Variants in LTBP1 observed in about 807,000 individuals in gnomAD.
LTBP1 encodes the protein latent transforming growth factor beta binding protein 1.
Under a neutral mutation model 207.6 loss-of-function variants are expected in LTBP1, and 129 were observed. That is an observed-to-expected ratio of 0.62 (90% CI 0.54 to 0.72). The LOEUF (loss-of-function observed/expected upper bound fraction) is 0.72. Ranked by LOEUF, LTBP1 falls within the 30% of genes least tolerant of loss-of-function variation. The probability of loss-of-function intolerance (pLI) is 0.00; values close to 1 mark genes in which losing one functional copy is unlikely to be tolerated. For synonymous variants in LTBP1, 963 were observed against 833.7 expected (o/e 1.16, Z -2.67); for missense variants, 2,281 against 2,217.2 (o/e 1.03, Z -0.58).
intron 5 of LTBP1, among the ~76,000 whole-genome samples, chr2:33,169,227 C>G (rs1206871311): frequency 6.6e-6 from 1 of 152,124 alleles, no homozygotes; most frequent in Non-Finnish European, 1.5e-5. Flanking sequence ...TGTGTGAGTC[C>G]TAGAAGGTCT....
chr2:33,154,600 G>A (rs1475174034), intron 5 of LTBP1, among the ~76,000 whole-genome samples: 1 of 152,112 alleles, frequency 6.6e-6, no homozygotes, highest in African/African-American at 2.4e-5. Context: ...TGAATTGTTG[G>A]GCAGTTGACC....
intron 24 of LTBP1, among the ~76,000 whole-genome samples, chr2:33,338,557 C>T (rs983985199): frequency 6.6e-6 from 1 of 151,780 alleles, no homozygotes; most frequent in African/African-American, 2.4e-5. Context: ...CCTCGATAAG[C>T]ACAGCAGTGG....
At chr2:33,122,280 C>G (rs2081178301) in intron 4 of LTBP1, among the ~76,000 whole-genome samples, 1 of 152,160 alleles carries the variant, frequency 6.6e-6, no homozygotes, top group Non-Finnish European at 1.5e-5. Context: ...GTTGTTTTTC[C>G]TAGATTACCA....
In LTBP1 at chr2:33,198,357, C is replaced by T. The variant is rs544525530; in HGVS notation, c.1701+9506C>T. 3.3e-5 allele frequency among the ~76,000 whole-genome samples: 5 copies of T among 152,222 alleles called. No homozygotes were observed. In the South Asian group the frequency reaches 6.2e-4, roughly 19 times the overall value. On this transcript the variant is annotated intron_variant, in intron 7 of 33. Coordinates refer to ENST00000404816, the MANE Select transcript of LTBP1 (RefSeq NM_206943.4). ...TCATCAAGGATATTGGTCTAAAATT[C>T]TCTTTTTTGGTTGTGTCTCTGCCTG...
chr2:33,198,710 T>C (rs1200870476), intron 7 of LTBP1, among the ~76,000 whole-genome samples: 1 of 152,248 alleles, frequency 6.6e-6, no homozygotes, highest in Non-Finnish European at 1.5e-5. Flanking sequence ...TATTCTCTGA[T>C]GGTAGTTTGT....
At chr2:32,983,255 T>C (rs551523615) in intron 2 of LTBP1, among the ~76,000 whole-genome samples, 1 of 152,334 alleles carries the variant, frequency 6.6e-6, no homozygotes. Flanking sequence ...TGGAGCATTG[T>C]AGGCCCTTTG....
chr2:33,191,435 G>A (rs1005144596), intron 7 of LTBP1, among the ~76,000 whole-genome samples: 2 of 152,172 alleles, frequency 1.3e-5, no homozygotes, highest in Non-Finnish European at 2.9e-5. Flanking sequence ...CTCATACACA[G>A]CTTCAAAATA....
intron 21 of LTBP1, 138 bp from the exon 22 acceptor site, chr2:33,301,384 T>C (rs2093986371): frequency 9.9e-7 from 1 of 1,008,980 alleles, no homozygotes; most frequent in African/African-American, 1.6e-5. Context: ...GAGATAGTAT[T>C]ACAAAAGCGA....
At chr2:33,209,148 C>T (rs1019181454) in intron 7 of LTBP1, among the ~76,000 whole-genome samples, 1 of 152,116 alleles carries the variant, frequency 6.6e-6, no homozygotes, top group Admixed American at 6.6e-5. Context: ...GCTGGGATTA[C>T]AGGTGTGAGC....
intron 5 of LTBP1, among the ~76,000 whole-genome samples, chr2:33,170,034 C>T (rs1302641254): frequency 5.3e-5 from 8 of 152,100 alleles, no homozygotes; most frequent in Admixed American, 1.3e-4. Flanking sequence ...CCAAGATGGC[C>T]GAATAGGAAC....
At chr2:33,150,704 C>CTTTTTTTTTTT (rs1211013076) in intron 5 of LTBP1, among the ~76,000 whole-genome samples, 8 of 108,838 alleles carry the variant, frequency 7.4e-5, no homozygotes, top group African/African-American at 2.8e-4. Flanking sequence ...TTTCTTTTTT[C>CTTTTTTTTTTT]TTTTTCTTTT....
chr2:33,355,379 TACATATAACG>T (rs1482772274), intron 26 of LTBP1, among the ~76,000 whole-genome samples: 3 of 152,180 alleles, frequency 2.0e-5, no homozygotes, highest in Non-Finnish European at 4.4e-5. Flanking sequence ...GCGTAGTATT[TACATATAACG>T]TATGCACATC....
At chr2:33,222,612 C>CT (rs1375062850) in intron 9 of LTBP1, among the ~76,000 whole-genome samples, 1 of 152,180 alleles carries the variant, frequency 6.6e-6, no homozygotes, top group Non-Finnish European at 1.5e-5. Flanking sequence ...CACATTTTGC[C>CT]TAGGCAATAA....
chr2:33,369,493 C>T (rs1472917714), intron 31 of LTBP1, among the ~76,000 whole-genome samples: 1 of 152,178 alleles, frequency 6.6e-6, no homozygotes, highest in Non-Finnish European at 1.5e-5. Context: ...CCAGGAAACG[C>T]ATGTTGAAAA....
At chr2:33,073,092 G>T (rs1205293193) in intron 3 of LTBP1, among the ~76,000 whole-genome samples, 1 of 152,112 alleles carries the variant, frequency 6.6e-6, no homozygotes, top group Non-Finnish European at 1.5e-5. Flanking sequence ...TCTTAATCTT[G>T]GCCAGTTCAG....
At chr2:33,360,876 G>A in intron 27 of LTBP1, 97 bp downstream of exon 27, 2 of 1,072,558 alleles carry the variant, frequency 1.9e-6, no homozygotes, top group South Asian at 1.5e-5. Context: ...GCCAACTCAA[G>A]GCGACTTACC....
chr2:33,116,062 G>A (rs1038111079), intron 4 of LTBP1, among the ~76,000 whole-genome samples: 2 of 152,180 alleles, frequency 1.3e-5, no homozygotes, highest in African/African-American at 4.8e-5. Context: ...ATAGATTGTA[G>A]AGCTACTTAT....
intron 3 of LTBP1, among the ~76,000 whole-genome samples, chr2:33,079,650 C>G (rs974291057): frequency 2.6e-4 from 39 of 152,096 alleles, no homozygotes. Flanking sequence ...ACCAGTTGCA[C>G]CCTGCTTTCT....
intron 20 of LTBP1, among the ~76,000 whole-genome samples, chr2:33,294,315 G>T (rs1278230304): frequency 6.6e-6 from 1 of 151,946 alleles, no homozygotes; most frequent in Non-Finnish European, 1.5e-5. Flanking sequence ...TCCTGCCTCA[G>T]CCTCCTGAGT....
Sources: gnomAD v4.1 joint callset for allele counts (sites outside exome capture counted in the v4.1 genomes callset) on GRCh38, gnomAD v4.1.1 for gene constraint, MANE v1.5 for transcripts, NCBI Gene and HGNC (gene_info 2026-07-23, HGNC 2026-07-21) for gene names.